The following FAM162A variants were observed in gnomAD, a reference collection of about 807,000 sequenced individuals.
The protein encoded by FAM162A is protein FAM162A.
FAM162A carries 23 observed loss-of-function variants against 21.8 expected under a neutral mutation model. The observed-to-expected ratio is 1.05, with a 90% CI of 0.76 to 1.49. The LOEUF is 1.49. Ranked by LOEUF, FAM162A falls within the 40% of genes most tolerant of loss-of-function variation. FAM162A has a pLI of 0.00. For synonymous variants in FAM162A, 53 were observed against 61.3 expected (o/e 0.86, Z 0.64); for missense variants, 165 against 186.4 (o/e 0.89, Z 0.67).
At chr3:122,390,450 A>G (rs2075597596) in intron 1 of FAM162A, among the ~76,000 whole-genome samples, 2 of 152,182 alleles carry the variant, frequency 1.3e-5, no homozygotes, top group Non-Finnish European at 2.9e-5. Flanking sequence ...CTCCAGTCAC[A>G]TCACCTATGG....
rs774750570 is a variant in FAM162A, at chr3:122,409,907, G to A, written c.*76G>A. ...ACGTGCCTGTATTAAAAAGGATGTGGTATGAGGATCCATTTCATAAAGTAT... is the reference window on the plus strand; with the variant it reads ...ACGTGCCTGTATTAAAAAGGATGTGATATGAGGATCCATTTCATAAAGTAT... On this transcript the variant is annotated 3_prime_UTR_variant, in exon 5 of 5. Transcript: ENST00000477892. 2.4e-6 allele frequency: 3 copies of A among 1,242,310 alleles called. No individual in the cohort carries two copies. Among genetic ancestry groups the A allele is most frequent in the Admixed American group, 1.8e-5 (1 of 56,842 alleles). 77.0% of individuals were successfully genotyped at this position (1,242,310 alleles called of 1,614,324 possible).
chr3:122,410,261 C>T lies in FAM162A; in HGVS notation c.*430C>T. 3.6e-6 allele frequency: 1 copy of T among 274,908 alleles called. No individual in the cohort carries two copies. Among genetic ancestry groups the T allele is most frequent in the Non-Finnish European group, 7.1e-6 (1 of 139,932 alleles). 17.0% of individuals were successfully genotyped at this position (274,908 alleles called of 1,614,324 possible). A position where few individuals can be genotyped will look rare whatever the true frequency, so the allele number is the denominator to read the frequency against. ...TCCTGGTGTACTGGTGGGGAGGCTGCCCCCTAATAGAGCGAGCGCTGAGAA... is the reference window on the plus strand; with the variant it reads ...TCCTGGTGTACTGGTGGGGAGGCTGTCCCCTAATAGAGCGAGCGCTGAGAA... On this transcript the variant is annotated 3_prime_UTR_variant, in exon 5 of 5. Transcript: ENST00000477892.
intron 4 of FAM162A, among the ~76,000 whole-genome samples, chr3:122,408,442 G>A (rs974713172): frequency 3.9e-5 from 6 of 152,120 alleles, no homozygotes; most frequent in African/African-American, 1.4e-4. Flanking sequence ...TTCTATACAC[G>A]CACTCTTAAC....
chr3:122,403,154 C>T (rs768668423), intron 2 of FAM162A, among the ~76,000 whole-genome samples: 1 of 151,830 alleles, frequency 6.6e-6, no homozygotes, highest in African/African-American at 2.4e-5. Context: ...TTTACTCATA[C>T]GTAGGCCCAT....
At chr3:122,407,725 T>C (rs1477539756) in intron 4 of FAM162A, 2 of 371,846 alleles carry the variant, frequency 5.4e-6, no homozygotes, top group Non-Finnish European at 4.9e-6. Flanking sequence ...ATTTCCAGAG[T>C]GCTCTTGGTA....
chr3:122,404,358 T>C lies in FAM162A; in HGVS notation c.258T>C (p.Thr86=). 6.4e-7 allele frequency: 1 copy of C among 1,567,726 alleles called. No homozygotes were observed. Among genetic ancestry groups the C allele is most frequent in the Non-Finnish European group, 8.7e-7 (1 of 1,145,748 alleles). ...RFKKEDEIPE[T]VSLEMLDAAK... Reference sequence around the variant, plus strand: ...AAAAGGAAGATGAAATCCCAGAGACTGTCTCGTGAGTGCTGAATTTAGTAT... The same window carrying C: ...AAAAGGAAGATGAAATCCCAGAGACCGTCTCGTGAGTGCTGAATTTAGTAT... The change falls in exon 3 of 5, where the codon ACT becomes ACC. Residue 86 remains threonine, a synonymous_variant. Transcript: ENST00000477892.
At chr3:122,388,874 C>G (rs2075586586) in intron 1 of FAM162A, among the ~76,000 whole-genome samples, 1 of 152,050 alleles carries the variant, frequency 6.6e-6, no homozygotes, top group South Asian at 2.1e-4. Flanking sequence ...ACGGTGAAAC[C>G]CTGTCTCTAC....
chr3:122,409,671 A>G, intron 4 of FAM162A, 68 bp from the exon 5 acceptor site: 2 of 1,350,278 alleles, frequency 1.5e-6, no homozygotes, highest in East Asian at 4.6e-5. Context: ...TGCTGTCATC[A>G]GTGCAAGGTA....
rs17266816 is a variant in FAM162A at position 122,410,027 on chromosome 3, G to A, written c.*196G>A. The A allele has an allele frequency of 0.087, 53,520 of 612,924 alleles. 2,986 individuals are homozygous for A. Among genetic ancestry groups the A allele is most frequent in the Middle Eastern group, 0.17 (403 of 2,394 alleles). 38.0% of individuals were successfully genotyped at this position (612,924 alleles called of 1,614,324 possible). A position where few individuals can be genotyped will look rare whatever the true frequency, so the allele number is the denominator to read the frequency against. On this transcript the variant is annotated 3_prime_UTR_variant, in exon 5 of 5. Transcript: ENST00000477892. The stretch of plus-strand genomic sequence containing the variant: ...ACTGTGTTTTATTGTTTTGATCCAA[G>A]TCAAGTGTAGCCTCTCAGCCTTTTG...
At chr3:122,385,538 C>T (rs919257571) in intron 1 of FAM162A, among the ~76,000 whole-genome samples, 1 of 152,174 alleles carries the variant, frequency 6.6e-6, no homozygotes, top group African/African-American at 2.4e-5. Context: ...ACTTTGACAT[C>T]TTGGAACTAC....
intron 1 of FAM162A, among the ~76,000 whole-genome samples, chr3:122,394,233 C>T (rs2075617291): frequency 6.6e-6 from 1 of 152,184 alleles, no homozygotes; most frequent in Non-Finnish European, 1.5e-5. Flanking sequence ...GATCCACTCA[C>T]TTCCCACCAG....
chr3:122,385,186 T>G (rs1040779861), intron 1 of FAM162A, among the ~76,000 whole-genome samples: 4 of 151,206 alleles, frequency 2.6e-5, no homozygotes, highest in Non-Finnish European at 4.4e-5. Flanking sequence ...AATGAAGTAA[T>G]GCAAAAAAAA....
chr3:122,389,999 A>G (rs2075594714), intron 1 of FAM162A, among the ~76,000 whole-genome samples: 1 of 152,178 alleles, frequency 6.6e-6, no homozygotes, highest in Admixed American at 6.5e-5. Flanking sequence ...TTAGCTAGAC[A>G]TGGTGGCATC....
intron 4 of FAM162A, among the ~76,000 whole-genome samples, chr3:122,409,184 A>G (rs914919444): frequency 6.6e-6 from 1 of 152,174 alleles, no homozygotes; most frequent in African/African-American, 2.4e-5. Flanking sequence ...AAACAAGGGA[A>G]GAGGACGGTT....
chr3:122,403,184 C>A (rs570231246), intron 2 of FAM162A, among the ~76,000 whole-genome samples: 1 of 152,330 alleles, frequency 6.6e-6, no homozygotes, highest in South Asian at 2.1e-4. Context: ...TCATACCTCC[C>A]ATGTTTTACT....
chr3:122,400,546 C>T (rs887232730), intron 1 of FAM162A, among the ~76,000 whole-genome samples: 1 of 152,066 alleles, frequency 6.6e-6, no homozygotes, highest in Admixed American at 6.5e-5. Flanking sequence ...TGAGAATGGC[C>T]GGGCATGGTG....
intron 1 of FAM162A, among the ~76,000 whole-genome samples, chr3:122,389,870 T>C (rs1422595931): frequency 6.6e-6 from 1 of 152,250 alleles, no homozygotes; most frequent in African/African-American, 2.4e-5. Context: ...CAAGTGTTAC[T>C]TTTATCATTT....
intron 1 of FAM162A, among the ~76,000 whole-genome samples, chr3:122,389,525 A>G (rs1260649862): frequency 1.3e-5 from 2 of 152,216 alleles, no homozygotes; most frequent in South Asian, 2.1e-4. Flanking sequence ...CAGAAATACC[A>G]TCAAAGATGT....
chr3:122,400,964 T>G (rs1252073831), intron 1 of FAM162A, among the ~76,000 whole-genome samples: 3 of 152,224 alleles, frequency 2.0e-5, no homozygotes, highest in African/African-American at 4.8e-5. Flanking sequence ...AAATACATCT[T>G]ATATCTTAAT....
Sources: allele counts gnomAD v4.1 joint callset (sites outside exome capture counted in the v4.1 genomes callset), GRCh38; gene constraint gnomAD v4.1.1; transcripts MANE v1.5; gene names NCBI Gene and HGNC (gene_info 2026-07-23, HGNC 2026-07-21).